The following ZNF804A variants were observed in gnomAD, a reference collection of about 807,000 sequenced individuals.
ZNF804A encodes the protein zinc finger protein 804A.
In ZNF804A, 2 loss-of-function variants were observed where a neutral mutation model predicts 16.5. The ratio of observed to expected loss-of-function variants is 0.12; its 90% CI spans 0.05 to 0.38. The LOEUF is 0.38. Ranked by LOEUF, ZNF804A falls within the 10% of genes least tolerant of loss-of-function variation. The pLI, the probability that ZNF804A is intolerant of heterozygous loss-of-function variation, is 0.99. For missense variants in ZNF804A, 1,473 were observed against 1,390.7 expected (o/e 1.06, Z -0.94); for synonymous variants, 534 against 489.6 (o/e 1.09, Z -1.20).
At chr2:184,883,272 A>G (rs981883208) in intron 2 of ZNF804A, among the ~76,000 whole-genome samples, 1 of 152,050 alleles carries the variant, frequency 6.6e-6, no homozygotes, top group African/African-American at 2.4e-5. Context: ...CTGAAAGTAA[A>G]TCAATAATAA....
At chr2:184,785,910 G>A (rs1007494851) in intron 1 of ZNF804A, among the ~76,000 whole-genome samples, 2 of 152,028 alleles carry the variant, frequency 1.3e-5, no homozygotes, top group Non-Finnish European at 2.9e-5. Flanking sequence ...ACTGAAGTGA[G>A]ATACTTTATG....
chr2:184,649,432 A>G (rs1691943801), intron 1 of ZNF804A, among the ~76,000 whole-genome samples: 1 of 152,142 alleles, frequency 6.6e-6, no homozygotes. Flanking sequence ...AACTAAAATC[A>G]GAACAAAACT....
chr2:184,704,115 G>C (rs1692979341), intron 1 of ZNF804A, among the ~76,000 whole-genome samples: 1 of 151,782 alleles, frequency 6.6e-6, no homozygotes, highest in East Asian at 1.9e-4. Context: ...TTGGTATTTA[G>C]AGAAGAGAGA....
Position 184,936,504 on chromosome 2 carries a change from A to G in ZNF804A, c.1108A>G (p.Ile370Val), listed in dbSNP as rs1685790380. The G allele has an allele frequency of 4.3e-6, 7 of 1,613,850 alleles. No homozygotes were observed. Among genetic ancestry groups the G allele is most frequent in the South Asian group, 2.2e-5 (2 of 91,086 alleles). Residue 370 changes from isoleucine to valine, a missense_variant, in exon 4 of 4, where the codon ATA becomes GTA. Ile to Val is a conservative substitution (Grantham distance 29, BLOSUM62 3). Transcript: ENST00000302277. ...STVLDMSNDC[I>V]SVQATTEENV... Reference sequence around the variant, plus strand: ...AGTTCTTGACATGTCTAATGATTGCATATCTGTGCAAGCTACCACAGAGGA... The same window carrying G: ...AGTTCTTGACATGTCTAATGATTGCGTATCTGTGCAAGCTACCACAGAGGA...
At chr2:184,719,327 GCTGC>G (rs1693267636) in intron 1 of ZNF804A, among the ~76,000 whole-genome samples, 1 of 151,936 alleles carries the variant, frequency 6.6e-6, no homozygotes, top group African/African-American at 2.4e-5. Context: ...AATGGGAGGG[GCTGC>G]CACAAAGGTC....
chr2:184,826,152 G>A (rs1400682884), intron 1 of ZNF804A, among the ~76,000 whole-genome samples: 2 of 152,030 alleles, frequency 1.3e-5, no homozygotes, highest in African/African-American at 4.8e-5. Flanking sequence ...TCAAAGGGCT[G>A]GGATTACAAG....
chr2:184,770,628 G>A (rs1694194884), intron 1 of ZNF804A, among the ~76,000 whole-genome samples: 1 of 147,662 alleles, frequency 6.8e-6, no homozygotes, highest in Admixed American at 6.7e-5. Flanking sequence ...AAAAGAAAAT[G>A]TTGGTCTTAG....
chr2:184,935,288 C>CTAT (rs1685766275), intron 3 of ZNF804A, among the ~76,000 whole-genome samples: 1 of 152,118 alleles, frequency 6.6e-6, no homozygotes, highest in Non-Finnish European at 1.5e-5. Flanking sequence ...ACCAATTGGG[C>CTAT]TATAGTAGAC....
At chr2:184,820,041 A>T (rs923743374) in intron 1 of ZNF804A, among the ~76,000 whole-genome samples, 1 of 151,904 alleles carries the variant, frequency 6.6e-6, no homozygotes, top group Non-Finnish European at 1.5e-5. Context: ...AATTAAAAAC[A>T]ATGGACTCCT....
chr2:184,781,713 G>T (rs1395234616), intron 1 of ZNF804A, among the ~76,000 whole-genome samples: 1 of 151,716 alleles, frequency 6.6e-6, no homozygotes, highest in Non-Finnish European at 1.5e-5. Context: ...AAGGGTTTTA[G>T]CTCACAGTAA....
intron 1 of ZNF804A, among the ~76,000 whole-genome samples, chr2:184,714,981 G>A (rs928325265): frequency 5.3e-5 from 8 of 152,234 alleles, no homozygotes; most frequent in Admixed American, 1.3e-4. Flanking sequence ...CAAAAAGGTC[G>A]GAGTTAGTAA....
intron 1 of ZNF804A, among the ~76,000 whole-genome samples, chr2:184,719,762 A>G (rs1693276762): frequency 6.6e-6 from 1 of 152,142 alleles, no homozygotes; most frequent in Admixed American, 6.5e-5. Context: ...TCATATCATT[A>G]TCAGCACTTT....
At chr2:184,693,470 T>C (rs1227836733) in intron 1 of ZNF804A, among the ~76,000 whole-genome samples, 1 of 152,214 alleles carries the variant, frequency 6.6e-6, no homozygotes, top group East Asian at 1.9e-4. Context: ...AATTTATGTT[T>C]GTTATATTGC....
intron 2 of ZNF804A, among the ~76,000 whole-genome samples, chr2:184,899,459 T>C (rs1395680735): frequency 6.6e-6 from 1 of 151,996 alleles, no homozygotes; most frequent in Non-Finnish European, 1.5e-5. Flanking sequence ...TTTTCAAAAG[T>C]GTGGTCTTTT....
chr2:184,733,919 G>A (rs1391209826), intron 1 of ZNF804A, among the ~76,000 whole-genome samples: 1 of 150,696 alleles, frequency 6.6e-6, no homozygotes, highest in Admixed American at 6.6e-5. Context: ...TTCTCAGTTA[G>A]CTTGTCTAGA....
At chr2:184,926,048 A>G (rs1685604561) in intron 2 of ZNF804A, among the ~76,000 whole-genome samples, 1 of 150,178 alleles carries the variant, frequency 6.7e-6, no homozygotes, top group South Asian at 2.1e-4. Flanking sequence ...CCACTGTTAC[A>G]GTGTTACAGT....
intron 1 of ZNF804A, among the ~76,000 whole-genome samples, chr2:184,783,868 G>A (rs1170610690): frequency 6.6e-6 from 1 of 151,894 alleles, no homozygotes; most frequent in African/African-American, 2.4e-5. Flanking sequence ...ACAGAAAGTG[G>A]TTTGTCAATT....
intron 1 of ZNF804A, among the ~76,000 whole-genome samples, chr2:184,621,183 T>G (rs1428561209): frequency 6.6e-6 from 1 of 151,750 alleles, no homozygotes; most frequent in Non-Finnish European, 1.5e-5. Context: ...TAGAATCATT[T>G]AGAAAAATAA....
chr2:184,880,816 C>A (rs1684798776), intron 2 of ZNF804A, among the ~76,000 whole-genome samples: 1 of 152,076 alleles, frequency 6.6e-6, no homozygotes, highest in Admixed American at 6.6e-5. Context: ...GTGCCCAATT[C>A]ACTCTTTTAT....
Sources: gnomAD v4.1 joint callset for allele counts (sites outside exome capture counted in the v4.1 genomes callset) on GRCh38, gnomAD v4.1.1 for gene constraint, MANE v1.5 for transcripts, NCBI Gene and HGNC (gene_info 2026-07-23, HGNC 2026-07-21) for gene names.